Variants in FBXO40 observed in about 807,000 individuals in gnomAD.
FBXO40 encodes the protein F-box protein 40.
A neutral mutation model predicts 49.9 loss-of-function variants in FBXO40; 50 were observed. The observed-to-expected ratio is 1.00, with a 90% CI of 0.80 to 1.27. The LOEUF (loss-of-function observed/expected upper bound fraction) is 1.27, where lower values mean the gene tolerates loss of function less well. FBXO40 is among the 50% of genes most tolerant of loss of function. FBXO40 has a pLI of 0.00. For synonymous variants in FBXO40, 340 were observed against 320.2 expected, an observed-to-expected ratio of 1.06 and a Z score of -0.66; for missense variants, 895 against 870.1, an observed-to-expected ratio of 1.03 and a Z score of -0.36.
intron 1 of FBXO40, among the ~76,000 whole-genome samples, chr3:121,611,531 G>T (rs543327677): frequency 2.0e-5 from 3 of 152,214 alleles, no homozygotes; most frequent in Admixed American, 2.0e-4. Flanking sequence ...CCATAGGGTG[G>T]TTTTTCTCTG....
intron 1 of FBXO40, among the ~76,000 whole-genome samples, chr3:121,616,033 A>G (rs1404781627): frequency 6.6e-6 from 1 of 152,146 alleles, no homozygotes; most frequent in Non-Finnish European, 1.5e-5. Flanking sequence ...ACTTCCACAT[A>G]TGAATTTGGG....
In FBXO40 at chr3:121,627,252, A is replaced by C. The variant is rs1352196416; in HGVS notation, c.*342A>C. The C allele has an allele frequency of 3.1e-6, 1 of 321,504 alleles. No individual in the cohort carries two copies. Among genetic ancestry groups the C allele is most frequent in the Admixed American group, 4.6e-5 (1 of 21,732 alleles). The allele number at this position is 321,504 out of a possible 1,614,324, so 19.9% of individuals were successfully genotyped here. A position where few individuals can be genotyped will look rare whatever the true frequency, so the allele number is the denominator to read the frequency against. On this transcript the variant is annotated 3_prime_UTR_variant, in exon 4 of 4. Transcript: ENST00000338040. ...TTCTTAAGTGATGAGAGAGCACGAA[A>C]TTCCATAACCAGTACAGGCCTGTGC...
At chr3:121,605,852 G>T (rs577718610) in intron 1 of FBXO40, among the ~76,000 whole-genome samples, 1 of 152,220 alleles carries the variant, frequency 6.6e-6, no homozygotes, top group East Asian at 1.9e-4. Context: ...GCATGTCCCT[G>T]TGTGGGGGAT....
At chr3:121,594,618 T>C (rs2048862074) in intron 1 of FBXO40, among the ~76,000 whole-genome samples, 1 of 152,254 alleles carries the variant, frequency 6.6e-6, no homozygotes, top group Non-Finnish European at 1.5e-5. Context: ...GTCATACTAC[T>C]GGTTAATAAG....
chr3:121,629,336 G>A lies in FBXO40; in HGVS notation c.*2426G>A, dbSNP rs1464799956. 6.6e-6 allele frequency: 1 copy of A among 152,198 alleles called. No individual in the cohort carries two copies. Among genetic ancestry groups the A allele is most frequent in the African/African-American group, 2.4e-5 (1 of 41,430 alleles). The allele number at this position is 152,198 out of a possible 1,614,324, so 9.4% of individuals were successfully genotyped here. On this transcript the variant is annotated 3_prime_UTR_variant, in exon 4 of 4. Coordinates refer to ENST00000338040, the MANE Select transcript of FBXO40 (RefSeq NM_016298.4). Reference sequence around the variant, plus strand: ...ACCTAAGGTTTTATTCTGTGAAGATGAGTAACTGGAAAGAAGCTAACACTG... The same window carrying A: ...ACCTAAGGTTTTATTCTGTGAAGATAAGTAACTGGAAAGAAGCTAACACTG...
At chr3:121,626,191 C>G (rs558841147) in intron 3 of FBXO40, among the ~76,000 whole-genome samples, 1 of 152,282 alleles carries the variant, frequency 6.6e-6, no homozygotes, top group South Asian at 2.1e-4. Context: ...TCTCTTCTTT[C>G]TATTTTTTAC....
chr3:121,614,269 CAAAAAAAA>C (rs35824526), intron 1 of FBXO40, among the ~76,000 whole-genome samples: 2 of 77,644 alleles, frequency 2.6e-5, no homozygotes, highest in Admixed American at 1.6e-4. Flanking sequence ...GACTCTAGCT[CAAAAAAAA>C]AAAAAAAAAA....
rs1231907206 is a variant in FBXO40, at chr3:121,627,102, T to C, written c.*192T>C. 2 of 566,938 alleles carry C rather than the reference T, an allele frequency of 3.5e-6. No homozygotes were observed. The highest frequency in any genetic ancestry group is 6.2e-6 in the Non-Finnish European group (2 of 320,354). 35.1% of individuals were successfully genotyped at this position (566,938 alleles called of 1,614,324 possible). On this transcript the variant is annotated 3_prime_UTR_variant, in exon 4 of 4. Transcript: ENST00000338040. ...ATTTCCTAAGCCATGTCTTGTACCA[T>C]AGTGCCACATTGATGACTTGTTTCC...
intron 1 of FBXO40, among the ~76,000 whole-genome samples, chr3:121,619,205 C>T (rs149859107): frequency 1.6e-4 from 25 of 151,594 alleles, no homozygotes; most frequent in African/African-American, 4.8e-4. Context: ...TACAGGGTAT[C>T]GCTATGTTTC....
rs767772217 is a variant in FBXO40 at position 121,622,124 on chromosome 3, C to T, written c.695C>T (p.Thr232Ile). 3 of 1,614,158 alleles carry T rather than the reference C, an allele frequency of 1.9e-6. No homozygotes were observed. The highest frequency in any genetic ancestry group is 2.2e-5 in the South Asian group (2 of 91,078). The change falls in exon 3 of 4, where the codon ACA becomes ATA. Residue 232 changes from threonine (T) to isoleucine (I), a missense_variant. Thr to Ile is a moderately conservative substitution (Grantham distance 89). Coordinates refer to ENST00000338040, the MANE Select transcript of FBXO40 (RefSeq NM_016298.4). ...AAAGAGCACGCAGCCTCTGCTTTAA[C>T]AAATTCATCAGCGAGCTGTGAGAGC... is the stretch of plus-strand genomic sequence containing the variant. ...FSKEHAASAL[T>I]NSSASCESKN...
At chr3:121,603,656 G>A (rs1339660323) in intron 1 of FBXO40, among the ~76,000 whole-genome samples, 1 of 152,134 alleles carries the variant, frequency 6.6e-6, no homozygotes, top group Non-Finnish European at 1.5e-5. Flanking sequence ...CTTTGTGGGT[G>A]CCTCACTATT....
In FBXO40 at chr3:121,620,473, T is replaced by C. The variant is rs1189324279; in HGVS notation, c.-30-73T>C. 3.0e-6 allele frequency: 4 copies of C among 1,352,966 alleles called. No homozygotes were observed. The South Asian group carries it at 4.7e-5, about 16-fold the overall frequency. The allele number at this position is 1,352,966 out of a possible 1,614,324, so 83.8% of individuals were successfully genotyped here. ...ATTAAATGAGATAGTGTGTGAAGTC[T>C]CTTTAGCCTCTATTAATATAGGTAA... On this transcript the variant is annotated intron_variant, in intron 1 of 3. Transcript: ENST00000338040.
rs2048912070 is a variant in FBXO40 at position 121,603,588 on chromosome 3, G to A, written c.-31+10086G>A. On this transcript the variant is annotated intron_variant, in intron 1 of 3. Coordinates refer to ENST00000338040, the MANE Select transcript of FBXO40 (RefSeq NM_016298.4). ...GGCCATAAATATTCTGTAATTATAA[G>A]TGGTGGTCAGCTTGGGATGTGGCTA... Among the ~76,000 whole-genome samples, 3 of 152,362 alleles carry A rather than the reference G, an allele frequency of 2.0e-5. No individual in the cohort carries two copies. In the South Asian group the frequency reaches 6.2e-4, roughly 32 times the overall value.
Position 121,621,611 on chromosome 3 carries a change from A to G in FBXO40, c.182A>G (p.Glu61Gly), listed in dbSNP as rs2049030698. Reference protein sequence around the residue: ...EAEHQLLCPLEQVPCLNSEYG... With the variant: ...EAEHQLLCPLGQVPCLNSEYG... ...GAGCACCAGCTCCTCTGCCCTTTAG[A>G]GCAGGTTCCGTGCCTCAACTCCGAA... The change falls in exon 3 of 4, where the codon GAG becomes GGG. Residue 61 changes from glutamate to glycine, a missense_variant. Physicochemically the swap from Glu to Gly is moderately conservative, Grantham distance 98. Coordinates refer to ENST00000338040, the MANE Select transcript of FBXO40 (RefSeq NM_016298.4). 6.2e-7 allele frequency: 1 copy of G among 1,614,070 alleles called. No homozygotes were observed. Among genetic ancestry groups the G allele is most frequent in the African/African-American group, 1.3e-5 (1 of 74,932 alleles).
intron 1 of FBXO40, among the ~76,000 whole-genome samples, chr3:121,612,146 A>G (rs2108847880): frequency 6.6e-6 from 1 of 152,224 alleles, no homozygotes; most frequent in Non-Finnish European, 1.5e-5. Context: ...GAATTTTCCT[A>G]GACCCTCTAA....
intron 3 of FBXO40, among the ~76,000 whole-genome samples, chr3:121,624,830 A>G (rs1041785637): frequency 1.3e-5 from 2 of 151,992 alleles, no homozygotes; most frequent in Non-Finnish European, 2.9e-5. Context: ...ACTACACTGT[A>G]TCTCGTGGCT....
Position 121,627,139 on chromosome 3 carries a change from CTTTTCTTTTCTT to C in FBXO40, c.*238_*249del. 1 of 524,856 alleles carries C rather than the reference CTTTTCTTTTCTT, an allele frequency of 1.9e-6. No individual in the cohort carries two copies. Among genetic ancestry groups the C allele is most frequent in the Non-Finnish European group, 3.4e-6 (1 of 294,016 alleles). The allele number at this position is 524,856 out of a possible 1,614,324, so 32.5% of individuals were successfully genotyped here. On this transcript the variant is annotated 3_prime_UTR_variant, in exon 4 of 4. Transcript: ENST00000338040. ...GATGACTTGTTTCCTTTTTTCTTTTCTTTTCTTTTCTTTTTTCTTTCTTTCTAAAATAGATTG... is the reference window on the plus strand; with the variant it reads ...GATGACTTGTTTCCTTTTTTCTTTTCTTTTCTTTCTTTCTAAAATAGATTG...
At chr3:121,620,093 A>T (rs1190380339) in intron 1 of FBXO40, among the ~76,000 whole-genome samples, 1 of 152,252 alleles carries the variant, frequency 6.6e-6, no homozygotes, top group Non-Finnish European at 1.5e-5. Context: ...ACTGCCCCAG[A>T]CAAAGTTAGA....
rs778684814 is a variant in FBXO40 at position 121,623,052 on chromosome 3, G to A, written c.1623G>A (p.Lys541=). The change falls in exon 3 of 4, where the codon AAG becomes AAA. Residue 541 remains lysine, a synonymous_variant. Coordinates refer to ENST00000338040, the MANE Select transcript of FBXO40 (RefSeq NM_016298.4). The part of the protein sequence containing the change: ...KAKVIYSQEL[K]TFAIKPEVAP... ...AAGTAATCTATAGCCAGGAGCTCAA[G>A]ACCTTTGCCATTAAGCCGGAGGTTG... 1 of 1,614,216 alleles carries A rather than the reference G, an allele frequency of 6.2e-7. No homozygotes were observed. Among genetic ancestry groups the A allele is most frequent in the Non-Finnish European group, 8.5e-7 (1 of 1,180,050 alleles).
Sources: gnomAD v4.1 joint callset for allele counts (sites outside exome capture counted in the v4.1 genomes callset) on GRCh38, gnomAD v4.1.1 for gene constraint, MANE v1.5 for transcripts, NCBI Gene and HGNC (gene_info 2026-07-23, HGNC 2026-07-21) for gene names.